The following ME1 variants were observed in gnomAD, a reference collection of about 807,000 sequenced individuals.
ME1 encodes the protein NADP-dependent malic enzyme.
Under a neutral mutation model 66.4 loss-of-function variants are expected in ME1, and 74 were observed. That is an observed-to-expected ratio of 1.11 (90% CI 0.92 to 1.35). The LOEUF (loss-of-function observed/expected upper bound fraction) is 1.35. Ranked by LOEUF, ME1 falls within the 40% of genes most tolerant of loss-of-function variation. ME1 has a pLI of 0.00. For synonymous variants in ME1, 251 were observed against 235.6 expected (o/e 1.07, Z -0.60); for missense variants, 750 against 694.1 (o/e 1.08, Z -0.90).
intron 3 of ME1, among the ~76,000 whole-genome samples, chr6:83,395,560 C>G (rs1219973733): frequency 6.6e-6 from 1 of 151,496 alleles, no homozygotes; most frequent in East Asian, 1.9e-4. Flanking sequence ...ACTGCAACCT[C>G]CACTTCCCAG....
intron 1 of ME1, among the ~76,000 whole-genome samples, chr6:83,426,571 A>G (rs973834728): frequency 5.3e-5 from 8 of 152,222 alleles, no homozygotes; most frequent in Admixed American, 5.2e-4. Flanking sequence ...TTGAAGAAAA[A>G]GAGGTTTAGG....
intron 6 of ME1, among the ~76,000 whole-genome samples, chr6:83,283,695 A>C (rs1480669782): frequency 6.6e-6 from 1 of 152,240 alleles, no homozygotes; most frequent in East Asian, 1.9e-4. Flanking sequence ...GGCATTCCTG[A>C]GAGAAAAGGA....
intron 7 of ME1, among the ~76,000 whole-genome samples, chr6:83,246,674 C>T (rs1264091734): frequency 6.6e-6 from 1 of 152,006 alleles, no homozygotes; most frequent in Non-Finnish European, 1.5e-5. Context: ...TTAAAAATAG[C>T]ATTGCAATAC....
intron 3 of ME1, among the ~76,000 whole-genome samples, chr6:83,396,424 TG>T (rs1457670561): frequency 6.6e-6 from 1 of 151,668 alleles, no homozygotes; most frequent in Non-Finnish European, 1.5e-5. Flanking sequence ...ACCAAAGAGG[TG>T]AAATATCTGT....
At chr6:83,276,568 T>C (rs1485397897) in intron 6 of ME1, among the ~76,000 whole-genome samples, 2 of 152,206 alleles carry the variant, frequency 1.3e-5, no homozygotes, top group African/African-American at 2.4e-5. Flanking sequence ...TGCCAAGGCA[T>C]AGAAAACCTC....
intron 7 of ME1, among the ~76,000 whole-genome samples, chr6:83,245,445 G>T (rs558014518): frequency 1.3e-5 from 2 of 151,988 alleles, no homozygotes; most frequent in Non-Finnish European, 2.9e-5. Flanking sequence ...CGCTCTTGTT[G>T]TTCATGCTGG....
chr6:83,269,512 G>A (rs546076293), intron 6 of ME1, among the ~76,000 whole-genome samples: 2 of 152,198 alleles, frequency 1.3e-5, no homozygotes, highest in East Asian at 3.9e-4. Flanking sequence ...ACATTACTAA[G>A]ACAATGCATA....
chr6:83,249,225 T>TTA lies in ME1; in HGVS notation c.814+4402_814+4403dup, dbSNP rs1425361022. ...TAAGCATGGTGAATTTTAAAAATTA[T>TTA]TATATATATACTTTTTTTCTTTTTT... On this transcript the variant is annotated intron_variant, in intron 7 of 13. Coordinates refer to ENST00000369705, the MANE Select transcript of ME1 (RefSeq NM_002395.6). 5.9e-5 allele frequency among the ~76,000 whole-genome samples: 9 copies of TTA among 152,016 alleles called. 1 individual carries two copies. The South Asian group carries it at 1.9e-3, about 32-fold the overall frequency.
chr6:83,231,952 C>G (rs781237900), intron 9 of ME1, among the ~76,000 whole-genome samples: 17 of 152,020 alleles, frequency 1.1e-4, no homozygotes, highest in Non-Finnish European at 2.2e-4. Context: ...TGTGATGATT[C>G]TTACTATATC....
chr6:83,420,937 TG>T (rs751394204), intron 1 of ME1, among the ~76,000 whole-genome samples: 1 of 152,140 alleles, frequency 6.6e-6, no homozygotes, highest in Non-Finnish European at 1.5e-5. Flanking sequence ...TTTAGTTTTT[TG>T]TTTTTTTGGT....
At position 83,348,997 on chromosome 6, in the gene ME1, A is replaced by T. The variant is rs1287730541; in HGVS notation, c.439-2663T>A. Among the ~76,000 whole-genome samples the T allele has an allele frequency of 4.8e-4, 69 of 143,210 alleles. 3 individuals carry two copies. The highest frequency in any genetic ancestry group is 1.9e-3 in the African/African-American group (68 of 36,128). The allele number at this position is 143,210 out of a possible 152,430, so 94.0% of individuals were successfully genotyped here. A position where few individuals can be genotyped will look rare whatever the true frequency, so the allele number is the denominator to read the frequency against. ...AAAACTCTGTCTCAAAAAAAAAAAA[A>T]AAAACAAAAAACAAAAAACAGTGCA... On this transcript the variant is annotated intron_variant, in intron 4 of 13. Coordinates refer to ENST00000369705, the MANE Select transcript of ME1 (RefSeq NM_002395.6).
chr6:83,383,215 G>A (rs1207272910), intron 3 of ME1, among the ~76,000 whole-genome samples: 1 of 151,718 alleles, frequency 6.6e-6, no homozygotes, highest in African/African-American at 2.4e-5. Context: ...AAAGTATTAG[G>A]AGGAAGAAAA....
At chr6:83,367,513 A>G (rs1241269255) in intron 3 of ME1, among the ~76,000 whole-genome samples, 2 of 152,210 alleles carry the variant, frequency 1.3e-5, no homozygotes, top group East Asian at 3.9e-4. Flanking sequence ...CACCTTCATC[A>G]ATGATCTTAG....
rs556022619 is a variant in ME1 at position 83,393,536 on chromosome 6, G to C, written c.362+4831C>G. On this transcript the variant is annotated intron_variant, in intron 3 of 13. Coordinates refer to ENST00000369705, the MANE Select transcript of ME1 (RefSeq NM_002395.6). The stretch of plus-strand genomic sequence containing the variant: ...CTCCCCTCCTCATAGTTTCCATGCA[G>C]ACCCCCTAAAAGGGAGGAGCCGAGG... 66 of 283,124 alleles carry C rather than the reference G, an allele frequency of 2.3e-4. No individual in the cohort carries two copies. In the East Asian group the frequency reaches 3.9e-3, roughly 17 times the overall value. The allele number at this position is 283,124 out of a possible 1,614,324, so 17.5% of individuals were successfully genotyped here.
chr6:83,421,027 G>A lies in ME1; in HGVS notation c.78+9850C>T, dbSNP rs554623850. 2.6e-5 allele frequency among the ~76,000 whole-genome samples: 4 copies of A among 152,028 alleles called. No homozygotes were observed. In the South Asian group the frequency reaches 8.3e-4, roughly 32 times the overall value. ...GCTTCCCTGTATGCAGACAGGGAGG[G>A]GGGGCCCAAAGCCAAGAGAGGGAAC... On this transcript the variant is annotated intron_variant, in intron 1 of 13. Transcript: ENST00000369705.
At chr6:83,232,098 T>G (rs1790319518) in intron 9 of ME1, among the ~76,000 whole-genome samples, 1 of 152,152 alleles carries the variant, frequency 6.6e-6, no homozygotes. Context: ...AATAAGTAAA[T>G]TAATTCTAGA....
At chr6:83,403,062 C>G (rs1769866589) in intron 2 of ME1, among the ~76,000 whole-genome samples, 1 of 152,154 alleles carries the variant, frequency 6.6e-6, no homozygotes, top group Non-Finnish European at 1.5e-5. Context: ...TATTTAAGTA[C>G]TGCTAACATT....
At chr6:83,343,554 T>A (rs1489576023) in intron 5 of ME1, among the ~76,000 whole-genome samples, 1 of 152,228 alleles carries the variant, frequency 6.6e-6, no homozygotes, top group Non-Finnish European at 1.5e-5. Context: ...TTCATTTAGA[T>A]AATCAGATTA....
chr6:83,405,970 C>T (rs1483257021), intron 2 of ME1, among the ~76,000 whole-genome samples: 1 of 152,162 alleles, frequency 6.6e-6, no homozygotes, highest in Non-Finnish European at 1.5e-5. Context: ...ATCCGCCCAC[C>T]TCGGCCTCCC....
Sources: allele counts gnomAD v4.1 joint callset (sites outside exome capture counted in the v4.1 genomes callset), GRCh38; gene constraint gnomAD v4.1.1; transcripts MANE v1.5; gene names NCBI Gene and HGNC (gene_info 2026-07-23, HGNC 2026-07-21).